Variants in FCHO2 observed in about 807,000 individuals in gnomAD.
The protein encoded by FCHO2 is FCH and mu domain containing endocytic adaptor 2.
A neutral mutation model predicts 114.1 loss-of-function variants in FCHO2; 43 were observed. That is an observed-to-expected ratio of 0.38 (90% CI 0.30 to 0.49). The LOEUF is 0.49. FCHO2 is among the 20% of genes least tolerant of loss of function. The pLI, the probability that FCHO2 is intolerant of heterozygous loss-of-function variation, is 0.97. For synonymous variants in FCHO2, 293 were observed against 315.2 expected, an observed-to-expected ratio of 0.93 and a Z score of 0.75; for missense variants, 807 against 950.4, an observed-to-expected ratio of 0.85 and a Z score of 1.98.
At chr5:73,027,010 G>C (rs368659268) in intron 8 of FCHO2, among the ~76,000 whole-genome samples, 1 of 122,708 alleles carries the variant, frequency 8.1e-6, no homozygotes, top group Non-Finnish European at 1.8e-5. Context: ...TTTTTTTTTT[G>C]TTTGTTTGTT....
In FCHO2 at chr5:73,074,758, C is replaced by A. The variant is rs779013090; in HGVS notation, c.1596C>A (p.Pro532=). Residue 532 remains proline (P), a synonymous_variant, in exon 20 of 26, where the codon CCC becomes CCA. Transcript: ENST00000430046. ...NTPTVGVSRG[P]SPVSLGNQDT... ...ATATTCTAGGTGTGTCACGGGGTCCCAGCCCTGTCAGCCTTGGAAATCAGG... is the reference window on the plus strand; with the variant it reads ...ATATTCTAGGTGTGTCACGGGGTCCAAGCCCTGTCAGCCTTGGAAATCAGG... 1 of 1,612,584 alleles carries A rather than the reference C, an allele frequency of 6.2e-7. No individual in the cohort carries two copies. Among genetic ancestry groups the A allele is most frequent in the South Asian group, 1.1e-5 (1 of 90,834 alleles).
intron 2 of FCHO2, among the ~76,000 whole-genome samples, chr5:72,975,266 A>G (rs1306397014): frequency 6.6e-6 from 1 of 152,180 alleles, no homozygotes; most frequent in Non-Finnish European, 1.5e-5. Context: ...TAGGATAATC[A>G]TATTTCTTGA....
intron 17 of FCHO2, among the ~76,000 whole-genome samples, chr5:73,060,382 TCTTCA>T (rs1302803003): frequency 6.6e-6 from 1 of 152,104 alleles, no homozygotes; most frequent in Non-Finnish European, 1.5e-5. Flanking sequence ...TACTATTAAG[TCTTCA>T]CTTGAACAGA....
At chr5:73,004,172 C>T (rs1754592271) in intron 5 of FCHO2, among the ~76,000 whole-genome samples, 1 of 151,440 alleles carries the variant, frequency 6.6e-6, no homozygotes, top group African/African-American at 2.4e-5. Flanking sequence ...TTAAAAAAAT[C>T]CAAAAGGAAA....
At chr5:73,051,990 C>G (rs1003250066) in intron 12 of FCHO2, among the ~76,000 whole-genome samples, 1 of 152,144 alleles carries the variant, frequency 6.6e-6, no homozygotes, top group Non-Finnish European at 1.5e-5. Flanking sequence ...GTGGTGCGAT[C>G]TCGGCTCACT....
At chr5:73,053,212 CTAAT>C (rs1757414679) in intron 13 of FCHO2, among the ~76,000 whole-genome samples, 1 of 152,062 alleles carries the variant, frequency 6.6e-6, no homozygotes, top group African/African-American at 2.4e-5. Flanking sequence ...ATATTGTTGT[CTAAT>C]TACATATTTT....
At chr5:73,021,167 G>A in intron 8 of FCHO2, 3 of 774,938 alleles carry the variant, frequency 3.9e-6, no homozygotes, top group South Asian at 1.3e-5. Flanking sequence ...TCTCTCCTTT[G>A]TCCAGGCTGG....
chr5:72,959,603 G>A (rs1451312068), intron 1 of FCHO2, among the ~76,000 whole-genome samples: 1 of 152,118 alleles, frequency 6.6e-6, no homozygotes, highest in Non-Finnish European at 1.5e-5. Context: ...AGCATTTAAA[G>A]TGGAACTATT....
chr5:73,001,674 G>A lies in FCHO2; in HGVS notation c.496-4771G>A, dbSNP rs114888506. 7.2e-3 allele frequency among the ~76,000 whole-genome samples: 1,095 copies of A among 151,902 alleles called. 17 individuals carry two copies. The highest frequency in any genetic ancestry group is 0.025 in the African/African-American group (1,046 of 41,468). On this transcript the variant is annotated intron_variant, in intron 5 of 25. Coordinates refer to ENST00000430046, the MANE Select transcript of FCHO2 (RefSeq NM_138782.3). ...AAGAGTGAGAGCTAGGCTGGGCATG[G>A]TGGTGGCTTATGCTGGTAATCCCAG...
At chr5:73,082,032 C>A in intron 23 of FCHO2, 50 bp downstream of exon 23, 1 of 1,367,230 alleles carries the variant, frequency 7.3e-7, no homozygotes, top group Non-Finnish European at 9.6e-7. Context: ...TGTTGCAATC[C>A]CCAACTTCTA....
chr5:72,981,771 C>T (rs1753224216), intron 2 of FCHO2, among the ~76,000 whole-genome samples: 1 of 152,176 alleles, frequency 6.6e-6, no homozygotes, highest in African/African-American at 2.4e-5. Context: ...TCACAAAGTT[C>T]TCATGCTGTG....
intron 1 of FCHO2, among the ~76,000 whole-genome samples, chr5:72,964,465 C>T (rs1580000192): frequency 6.6e-6 from 1 of 152,094 alleles, no homozygotes; most frequent in Non-Finnish European, 1.5e-5. Context: ...AGCTCTGCAA[C>T]CTCTGCCTCC....
chr5:73,004,930 C>T (rs1754637992), intron 5 of FCHO2, among the ~76,000 whole-genome samples: 1 of 152,096 alleles, frequency 6.6e-6, no homozygotes, highest in Admixed American at 6.6e-5. Context: ...GTATATAATA[C>T]AGAGTCTGTA....
chr5:73,061,509 G>C (rs912447410), intron 17 of FCHO2, among the ~76,000 whole-genome samples: 4 of 151,780 alleles, frequency 2.6e-5, no homozygotes, highest in Non-Finnish European at 4.4e-5. Flanking sequence ...AGGAACTTCA[G>C]TTCCTTTCTC....
chr5:73,017,662 A>G (rs1265628608), intron 8 of FCHO2, among the ~76,000 whole-genome samples: 2 of 152,192 alleles, frequency 1.3e-5, no homozygotes, highest in Non-Finnish European at 2.9e-5. Context: ...ACAGAAGGCT[A>G]TTTTAATAAA....
At chr5:73,029,057 C>A (rs565003265) in intron 8 of FCHO2, among the ~76,000 whole-genome samples, 2 of 152,228 alleles carry the variant, frequency 1.3e-5, no homozygotes, top group African/African-American at 4.8e-5. Context: ...TACAAAGGAG[C>A]ATGAGGTGAT....
At chr5:73,059,034 A>C (rs557108181) in intron 17 of FCHO2, among the ~76,000 whole-genome samples, 1 of 152,220 alleles carries the variant, frequency 6.6e-6, no homozygotes, top group Non-Finnish European at 1.5e-5. Flanking sequence ...CTTCCCAAGC[A>C]GTTTACAAAA....
chr5:73,075,881 T>C (rs1742886551), intron 20 of FCHO2, among the ~76,000 whole-genome samples: 1 of 146,414 alleles, frequency 6.8e-6, no homozygotes, highest in African/African-American at 2.5e-5. Flanking sequence ...GATACTTGGA[T>C]ACATGATTCT....
chr5:73,062,427 G>A (rs3864261), intron 17 of FCHO2, among the ~76,000 whole-genome samples: 20,676 of 151,956 alleles, frequency 0.14, 1,667 homozygotes, highest in East Asian at 0.35. Context: ...TCACAAGTTT[G>A]AAATAACATA....
Sources: allele counts gnomAD v4.1 joint callset (sites outside exome capture counted in the v4.1 genomes callset), GRCh38; gene constraint gnomAD v4.1.1; transcripts MANE v1.5; gene names NCBI Gene and HGNC (gene_info 2026-07-23, HGNC 2026-07-21).